Variants in CNTN5 observed in about 807,000 individuals in gnomAD.
CNTN5 encodes the protein contactin-5.
Under a neutral mutation model 129.1 loss-of-function variants are expected in CNTN5, and 77 were observed. That is an observed-to-expected ratio of 0.60 (90% confidence interval 0.50 to 0.72). The LOEUF is 0.72. Among genes scored for constraint, CNTN5 ranks in the 30% least tolerant of loss-of-function variants. CNTN5 has a pLI of 0.00. For missense variants in CNTN5, 1,478 were observed against 1,328.8 expected (o/e 1.11, Z -1.75); for synonymous variants, 509 against 465.6 (o/e 1.09, Z -1.20).
rs577618291 is a variant in CNTN5 at position 99,245,048 on chromosome 11, A to G, written c.-209-80298A>G. ...TACTTGCAAGATTAGTTATCAAAGTAATGTTTTTGTGATAATTTCAGTACA... is the reference window on the plus strand; with the variant it reads ...TACTTGCAAGATTAGTTATCAAAGTGATGTTTTTGTGATAATTTCAGTACA... On this transcript the variant is annotated intron_variant, in intron 1 of 24. Coordinates refer to ENST00000524871, the MANE Select transcript of CNTN5 (RefSeq NM_014361.4). Among the ~76,000 whole-genome samples, 116 of 152,352 alleles carry G rather than the reference A, an allele frequency of 7.6e-4. 1 individual carries two copies. Among genetic ancestry groups the G allele is most frequent in the Non-Finnish European group, 8.1e-4 (55 of 68,032 alleles).
rs1565398685 is a variant in CNTN5 at position 99,201,346 on chromosome 11, T to TCTCC, written c.-209-124000_-209-123999insCTCC. Among the ~76,000 whole-genome samples the TCTCC allele has an allele frequency of 1.7e-3, 187 of 113,300 alleles. 1 individual carries two copies. Among genetic ancestry groups the TCTCC allele is most frequent in the South Asian group, 2.3e-3 (7 of 3,012 alleles). The allele number at this position is 113,300 out of a possible 152,430, so 74.3% of individuals were successfully genotyped here. ...GCCCCTTCCTTCCTTCCTTCCTTCC[T>TCTCC]TTCCTTTCCTTCCTTCCTTCCTTCC... On this transcript the variant is annotated intron_variant, in intron 1 of 24. Coordinates refer to ENST00000524871, the MANE Select transcript of CNTN5 (RefSeq NM_014361.4).
intron 3 of CNTN5, among the ~76,000 whole-genome samples, chr11:99,638,986 G>T (rs1375260284): frequency 6.6e-6 from 1 of 152,208 alleles, no homozygotes; most frequent in Non-Finnish European, 1.5e-5. Flanking sequence ...ATTTCCATCT[G>T]TACTGCCCTA....
intron 3 of CNTN5, among the ~76,000 whole-genome samples, chr11:99,598,532 G>T (rs1198707974): frequency 6.8e-6 from 1 of 147,738 alleles, no homozygotes; most frequent in African/African-American, 2.5e-5. Flanking sequence ...CATGGCAGAA[G>T]CCTTTTGCCT....
chr11:100,238,471 G>A (rs1212837251), intron 16 of CNTN5, among the ~76,000 whole-genome samples: 1 of 145,378 alleles, frequency 6.9e-6, no homozygotes, highest in African/African-American at 2.6e-5. Context: ...AGAGGGAAAA[G>A]GAGGAGAAGC....
intron 17 of CNTN5, among the ~76,000 whole-genome samples, chr11:100,260,530 A>G (rs1053782536): frequency 1.3e-5 from 2 of 152,098 alleles, no homozygotes; most frequent in Non-Finnish European, 2.9e-5. Flanking sequence ...GGTGAATATC[A>G]CTGGGAGAAT....
intron 3 of CNTN5, among the ~76,000 whole-genome samples, chr11:99,602,492 C>G (rs192895343): frequency 1.2e-3 from 181 of 152,128 alleles, no homozygotes; most frequent in African/African-American, 4.2e-3. Flanking sequence ...TTGTATTGAT[C>G]AGGCACATTT....
intron 2 of CNTN5, among the ~76,000 whole-genome samples, chr11:99,524,246 A>G (rs1403342333): frequency 6.6e-6 from 1 of 152,084 alleles, no homozygotes; most frequent in Admixed American, 6.5e-5. Flanking sequence ...TATTTGGAGG[A>G]TATTCCCTGA....
At chr11:99,749,036 C>G (rs1042397659) in intron 3 of CNTN5, among the ~76,000 whole-genome samples, 1 of 152,172 alleles carries the variant, frequency 6.6e-6, no homozygotes, top group South Asian at 2.1e-4. Context: ...AGGTGGAATT[C>G]ACCTTGCTTA....
At chr11:99,259,785 C>T (rs112921854) in intron 1 of CNTN5, among the ~76,000 whole-genome samples, 8 of 151,776 alleles carry the variant, frequency 5.3e-5, no homozygotes, top group African/African-American at 1.9e-4. Context: ...CTCTGCACTT[C>T]TGAAAACAGT....
chr11:99,427,367 T>C (rs900406760), intron 2 of CNTN5, among the ~76,000 whole-genome samples: 1 of 152,182 alleles, frequency 6.6e-6, no homozygotes, highest in Non-Finnish European at 1.5e-5. Flanking sequence ...TTACAAAAAC[T>C]GATGAAAAAC....
chr11:100,239,547 C>T (rs1377928058), intron 16 of CNTN5, among the ~76,000 whole-genome samples: 2 of 151,924 alleles, frequency 1.3e-5, no homozygotes, highest in Non-Finnish European at 2.9e-5. Context: ...TTTGCCATAC[C>T]TTCAGTTGAC....
At chr11:99,061,145 A>T (rs773027357) in intron 1 of CNTN5, among the ~76,000 whole-genome samples, 7 of 152,182 alleles carry the variant, frequency 4.6e-5, no homozygotes, top group Non-Finnish European at 1.0e-4. Context: ...TGAACAACAG[A>T]TACCTGTGAT....
chr11:100,259,182 A>T (rs1950143874), intron 17 of CNTN5, among the ~76,000 whole-genome samples: 1 of 152,200 alleles, frequency 6.6e-6, no homozygotes, highest in African/African-American at 2.4e-5. Flanking sequence ...ACCAACAAAG[A>T]TCAAAAAAGA....
At chr11:99,467,594 A>C (rs1030816965) in intron 2 of CNTN5, among the ~76,000 whole-genome samples, 1 of 152,070 alleles carries the variant, frequency 6.6e-6, no homozygotes, top group African/African-American at 2.4e-5. Flanking sequence ...TCTTTTTCAA[A>C]ATTTTAATTA....
intron 3 of CNTN5, among the ~76,000 whole-genome samples, chr11:99,723,240 C>G (rs1159587407): frequency 6.6e-6 from 1 of 151,986 alleles, no homozygotes; most frequent in Non-Finnish European, 1.5e-5. Flanking sequence ...AAAAAAAATC[C>G]ACATTAGCCA....
chr11:99,481,580 A>G (rs1268019709), intron 2 of CNTN5, among the ~76,000 whole-genome samples: 1 of 152,214 alleles, frequency 6.6e-6, no homozygotes, highest in East Asian at 1.9e-4. Context: ...TAAAATATTA[A>G]AACAACTTAA....
intron 2 of CNTN5, among the ~76,000 whole-genome samples, chr11:99,339,643 G>A (rs1164775682): frequency 1.3e-5 from 2 of 152,100 alleles, no homozygotes; most frequent in Non-Finnish European, 2.9e-5. Flanking sequence ...TTAGCCGGGT[G>A]TGGTGGCAGG....
intron 9 of CNTN5, among the ~76,000 whole-genome samples, chr11:100,008,182 T>C (rs1940310108): frequency 6.6e-6 from 1 of 151,968 alleles, no homozygotes. Context: ...TAATAAAAAA[T>C]TGAGATGCTC....
chr11:99,324,703 A>G (rs1335160788), intron 1 of CNTN5, among the ~76,000 whole-genome samples: 1 of 152,122 alleles, frequency 6.6e-6, no homozygotes, highest in Non-Finnish European at 1.5e-5. Context: ...AGCTCCTAAC[A>G]CAACTCACGG....
Sources: allele counts gnomAD v4.1 joint callset (sites outside exome capture counted in the v4.1 genomes callset), GRCh38; gene constraint gnomAD v4.1.1; transcripts MANE v1.5; gene names NCBI Gene and HGNC (gene_info 2026-07-23, HGNC 2026-07-21).